The following KLHL22 variants were observed in gnomAD, a reference collection of about 807,000 sequenced individuals.
KLHL22 encodes kelch like family member 22.
Under a neutral mutation model 60.7 loss-of-function variants are expected in KLHL22, and 18 were observed. That is an observed-to-expected ratio of 0.30 (90% CI 0.20 to 0.44). KLHL22 has a LOEUF of 0.44. KLHL22 is among the 20% of genes least tolerant of loss of function. The pLI is 1.00. For synonymous variants in KLHL22, 355 were observed against 354.5 expected (o/e 1.00, Z -0.01); for missense variants, 596 against 852.3 (o/e 0.70, Z 3.74).
intron 4 of KLHL22, among the ~76,000 whole-genome samples, chr22:20,463,843 C>T (rs914927009): frequency 1.3e-5 from 2 of 152,232 alleles, no homozygotes; most frequent in Non-Finnish European, 2.9e-5. Flanking sequence ...TGAGAAATGG[C>T]CTTCTCCTCC....
intron 2 of KLHL22, chr22:20,475,091 T>G (rs192097131): frequency 6.6e-6 from 1 of 152,338 alleles, no homozygotes; most frequent in African/African-American, 2.4e-5. Flanking sequence ...TTAGACTGTC[T>G]TATCAATTTG....
chr22:20,451,307 A>C, intron 5 of KLHL22: 1 of 1,608,302 alleles, frequency 6.2e-7, no homozygotes, highest in South Asian at 1.1e-5. Flanking sequence ...ACCAGTATGG[A>C]GCGGTATGAT....
chr22:20,491,641 C>T (rs951758740), intron 1 of KLHL22: 1 of 152,206 alleles, frequency 6.6e-6, no homozygotes, highest in African/African-American at 2.4e-5. Flanking sequence ...GACCACCATC[C>T]TTCATGTGGT....
chr22:20,460,710 A>T (rs1327732250), intron 4 of KLHL22, among the ~76,000 whole-genome samples: 1 of 145,124 alleles, frequency 6.9e-6, no homozygotes, highest in African/African-American at 2.5e-5. Flanking sequence ...CTGATTTCTT[A>T]TTTCCCTGTT....
At chr22:20,461,368 A>G (rs1286979078) in intron 4 of KLHL22, among the ~76,000 whole-genome samples, 1 of 151,898 alleles carries the variant, frequency 6.6e-6, no homozygotes, top group African/African-American at 2.4e-5. Flanking sequence ...CCTGGCTAAC[A>G]CGGTGAAACC....
intron 3 of KLHL22, among the ~76,000 whole-genome samples, chr22:20,470,988 A>G (rs559642847): frequency 6.6e-6 from 1 of 152,190 alleles, no homozygotes; most frequent in Non-Finnish European, 1.5e-5. Context: ...CCTGGCAGCA[A>G]TGCTGGTGGA....
chr22:20,451,194 G>A (rs1044102015), intron 5 of KLHL22: 7 of 1,596,988 alleles, frequency 4.4e-6, no homozygotes, highest in Non-Finnish European at 6.0e-6. Flanking sequence ...ATGGGGTCTG[G>A]TATTCTGTGG....
intron 2 of KLHL22, chr22:20,483,796 C>T (rs1375662565): frequency 2.0e-5 from 15 of 745,502 alleles, no homozygotes; most frequent in East Asian, 1.3e-4. Flanking sequence ...TTCCGGTTCT[C>T]GGTCTCCAGG....
rs149300605 is a variant in KLHL22, at chr22:20,442,145, G to C, written c.1833C>G (p.Ala611=). The C allele has an allele frequency of 6.5e-7, 1 of 1,539,506 alleles. No homozygotes were observed. Among genetic ancestry groups the C allele is most frequent in the East Asian group, 2.3e-5 (1 of 43,630 alleles). ...PPRGTPDRSQ[A]DPDFASEVMS... ...TCACCTCAGAGGCAAAGTCCGGGTC[G>C]GCCTGGCTGCGGTCAGGGGTCCCGC... Residue 611 remains alanine (A), a synonymous_variant, in exon 7 of 7, where the codon GCC becomes GCG. Transcript: ENST00000328879.
At chr22:20,454,946 A>G (rs2053039114) in intron 5 of KLHL22, among the ~76,000 whole-genome samples, 1 of 151,994 alleles carries the variant, frequency 6.6e-6, no homozygotes, top group South Asian at 2.1e-4. Context: ...CAGTGGTGTG[A>G]TCTCAGCTCA....
chr22:20,473,930 C>T (rs1182270822), intron 2 of KLHL22, among the ~76,000 whole-genome samples: 1 of 132,010 alleles, frequency 7.6e-6, no homozygotes, highest in Non-Finnish European at 1.7e-5. Flanking sequence ...GCCTCTGCTC[C>T]CAGACCATCA....
intron 5 of KLHL22, among the ~76,000 whole-genome samples, chr22:20,448,638 C>T (rs2052920217): frequency 6.6e-6 from 1 of 152,186 alleles, no homozygotes; most frequent in Admixed American, 6.5e-5. Context: ...AATCTTGGCT[C>T]ACTGCAACCT....
At chr22:20,456,989 C>T (rs1383233410) in intron 5 of KLHL22, among the ~76,000 whole-genome samples, 1 of 152,052 alleles carries the variant, frequency 6.6e-6, no homozygotes, top group Non-Finnish European at 1.5e-5. Flanking sequence ...ATAGCAGGTG[C>T]TCCACAAATG....
intron 4 of KLHL22, among the ~76,000 whole-genome samples, chr22:20,458,598 C>T (rs2053104280): frequency 6.6e-6 from 1 of 151,894 alleles, no homozygotes; most frequent in African/African-American, 2.4e-5. Flanking sequence ...CTTGCTCCCA[C>T]TCAGGAGGGC....
At chr22:20,455,734 A>G (rs2053053365) in intron 5 of KLHL22, among the ~76,000 whole-genome samples, 1 of 152,194 alleles carries the variant, frequency 6.6e-6, no homozygotes, top group Non-Finnish European at 1.5e-5. Context: ...TGCAGTGGTA[A>G]AAAACACACC....
chr22:20,449,556 G>C (rs547325696), intron 5 of KLHL22, among the ~76,000 whole-genome samples: 3 of 151,586 alleles, frequency 2.0e-5, no homozygotes, highest in African/African-American at 7.3e-5. Flanking sequence ...GTGTGCCACC[G>C]CGCCCAACTA....
intron 5 of KLHL22, 96 bp downstream of exon 5, chr22:20,457,712 C>A: frequency 1.1e-6 from 1 of 932,226 alleles, no homozygotes; most frequent in Non-Finnish European, 1.6e-6. Flanking sequence ...GTTTCTCTGA[C>A]CTGGGACAGG....
Position 20,473,524 on chromosome 22 carries a change from A to G in KLHL22, c.228-2009T>C, listed in dbSNP as rs185624434. ...GAAGATTATAAGAGAAGCTATTTTT[A>G]CATTTTATTTATTTTTTTGACTAGG... On this transcript the variant is annotated intron_variant, in intron 2 of 6. Transcript: ENST00000328879. 2.0e-3 allele frequency among the ~76,000 whole-genome samples: 301 copies of G among 152,324 alleles called. 1 individual carries two copies. Among genetic ancestry groups the G allele is most frequent in the African/African-American group, 7.1e-3 (294 of 41,584 alleles).
chr22:20,444,169 G>A (rs769009228), intron 6 of KLHL22, among the ~76,000 whole-genome samples: 16 of 152,018 alleles, frequency 1.1e-4, no homozygotes, highest in Non-Finnish European at 1.8e-4. Context: ...GCCAGGAAAA[G>A]TGGGGACCTC....
Sources: gnomAD v4.1 joint callset for allele counts (sites outside exome capture counted in the v4.1 genomes callset) on GRCh38, gnomAD v4.1.1 for gene constraint, MANE v1.5 for transcripts, NCBI Gene and HGNC (gene_info 2026-07-23, HGNC 2026-07-21) for gene names.